The following TTC6 variants were observed in gnomAD, a reference collection of about 807,000 sequenced individuals.
The protein encoded by TTC6 is tetratricopeptide repeat protein 6.
In TTC6, 172 loss-of-function variants were observed where a neutral mutation model predicts 210.4. The ratio of observed to expected loss-of-function variants is 0.82; its 90% CI spans 0.72 to 0.93. The LOEUF (loss-of-function observed/expected upper bound fraction) is 0.93. TTC6 is among the 40% of genes least tolerant of loss of function. TTC6 has a pLI of 0.00. For missense variants in TTC6, 2,414 were observed against 2,318.1 expected (o/e 1.04, Z -0.85); for synonymous variants, 804 against 819.6 (o/e 0.98, Z 0.32).
chr14:37,616,535 A>G (rs1402540668), intron 2 of TTC6, among the ~76,000 whole-genome samples: 1 of 152,222 alleles, frequency 6.6e-6, no homozygotes, highest in African/African-American at 2.4e-5. Flanking sequence ...ATCTGTAAAG[A>G]TGCATCTGTG....
chr14:37,836,854 A>C (rs2096199077), intron 29 of TTC6, among the ~76,000 whole-genome samples: 1 of 152,194 alleles, frequency 6.6e-6, no homozygotes, highest in Non-Finnish European at 1.5e-5. Context: ...TAGAGGGTTA[A>C]AAAATGTATG....
At chr14:37,730,756 A>C (rs2138876039) in intron 7 of TTC6, among the ~76,000 whole-genome samples, 1 of 152,306 alleles carries the variant, frequency 6.6e-6, no homozygotes. Flanking sequence ...TTTTCTAATT[A>C]CTTGCCAGGC....
At chr14:37,709,238 A>AGTACAT (rs1187423861) in intron 5 of TTC6, among the ~76,000 whole-genome samples, 4 of 152,230 alleles carry the variant, frequency 2.6e-5, no homozygotes, top group South Asian at 2.1e-4. Context: ...ATGTCACAGA[A>AGTACAT]GTACATTGAA....
chr14:37,671,461 G>A (rs2095758014), intron 1 of TTC6, among the ~76,000 whole-genome samples: 1 of 152,260 alleles, frequency 6.6e-6, no homozygotes, highest in East Asian at 1.9e-4. Flanking sequence ...AATAAGATCT[G>A]CAAGTGGTAC....
At chr14:37,604,908 T>C (rs940626788) in intron 1 of TTC6, among the ~76,000 whole-genome samples, 1 of 152,214 alleles carries the variant, frequency 6.6e-6, no homozygotes, top group Non-Finnish European at 1.5e-5. Flanking sequence ...AAGATGTCAT[T>C]ATATCAAGGA....
chr14:37,807,568 G>T (rs2096121377), intron 23 of TTC6, 108 bp downstream of exon 25: 1 of 896,386 alleles, frequency 1.1e-6, no homozygotes, highest in East Asian at 2.8e-5. Context: ...GAATCACTAT[G>T]ATATGAAGGG....
At chr14:37,697,828 G>A (rs1379395223) in intron 4 of TTC6, among the ~76,000 whole-genome samples, 1 of 152,116 alleles carries the variant, frequency 6.6e-6, no homozygotes, top group East Asian at 1.9e-4. Flanking sequence ...GATTATCAAT[G>A]AAGCAGAAAC....
At chr14:37,612,685 A>G (rs1020695785) in intron 2 of TTC6, among the ~76,000 whole-genome samples, 1 of 152,186 alleles carries the variant, frequency 6.6e-6, no homozygotes, top group African/African-American at 2.4e-5. Context: ...TGTAATTTTC[A>G]GTGTAGAGAT....
chr14:37,745,275 G>A (rs1464645194), intron 10 of TTC6, among the ~76,000 whole-genome samples: 2 of 152,160 alleles, frequency 1.3e-5, no homozygotes, highest in Admixed American at 6.5e-5. Flanking sequence ...GATTAAATTT[G>A]TGATAATTTA....
intron 14 of TTC6, among the ~76,000 whole-genome samples, chr14:37,784,001 T>C (rs1375078271): frequency 1.3e-5 from 2 of 152,192 alleles, no homozygotes; most frequent in African/African-American, 4.8e-5. Context: ...AGAGACAGTT[T>C]GTTATAATTT....
intron 5 of TTC6, among the ~76,000 whole-genome samples, chr14:37,707,447 T>C (rs1324612856): frequency 6.6e-6 from 1 of 152,094 alleles, no homozygotes; most frequent in African/African-American, 2.4e-5. Context: ...TGCTTAGATT[T>C]ATCTCTTAAA....
At chr14:37,637,110 A>G (rs1303383893) in intron 1 of TTC6, among the ~76,000 whole-genome samples, 2 of 152,114 alleles carry the variant, frequency 1.3e-5, no homozygotes, top group Non-Finnish European at 2.9e-5. Context: ...CAAACAAACC[A>G]AACCAAAAAA....
chr14:37,768,689 A>G (rs1296497265), intron 14 of TTC6, among the ~76,000 whole-genome samples: 1 of 151,872 alleles, frequency 6.6e-6, no homozygotes, highest in Admixed American at 6.6e-5. Flanking sequence ...TATCAGCTTA[A>G]GGAGATTTTG....
intron 15 of TTC6, among the ~76,000 whole-genome samples, chr14:37,788,350 G>A (rs1275141216): frequency 6.6e-6 from 1 of 151,900 alleles, no homozygotes; most frequent in East Asian, 1.9e-4. Context: ...TGTTCACCTG[G>A]GTGCAAAGTT....
exon 3 of TTC6, chr14:37,682,886 A>G (rs2095787011): frequency 6.5e-7 from 1 of 1,535,718 alleles, no homozygotes; most frequent in Non-Finnish European, 8.7e-7. Context: ...AAGTTCAGCC[A>G]GCAGAGGAAT....
chr14:37,798,121 C>T (rs2096096871), intron 20 of TTC6, among the ~76,000 whole-genome samples: 2 of 152,076 alleles, frequency 1.3e-5, no homozygotes, highest in South Asian at 4.1e-4. Flanking sequence ...TAGGAAGCTC[C>T]TGGTTAATCT....
chr14:37,621,888 A>G (rs115408150), upstream of TTC6, among the ~76,000 whole-genome samples: 1,599 of 152,212 alleles, frequency 0.011, 33 homozygotes, highest in African/African-American at 0.036. Flanking sequence ...CAATAGGTGG[A>G]TATAAAATTA....
rs146974883 is a variant in TTC6 at position 37,656,471 on chromosome 14, T to G, written c.940-23680T>G. 4.1e-3 allele frequency among the ~76,000 whole-genome samples: 628 copies of G among 151,984 alleles called. 1 individual carries two copies. The highest frequency in any genetic ancestry group is 0.014 in the Middle Eastern group (4 of 294). ...CAATTTTGTAAGCTGCCTTGTGCTG[T>G]GAGAGTCTATGGGTAGTTAACCTAG... On this transcript the variant is annotated intron_variant, in intron 1 of 30. Coordinates refer to ENST00000553443, the Ensembl canonical transcript of TTC6.
At chr14:37,708,684 GTGAAGCATATT>G (rs974514910) in intron 5 of TTC6, among the ~76,000 whole-genome samples, 1 of 152,074 alleles carries the variant, frequency 6.6e-6, no homozygotes, top group African/African-American at 2.4e-5. Flanking sequence ...GATAATCTGT[GTGAAGCATATT>G]TTACTTGCCC....
Sources: allele counts gnomAD v4.1 joint callset (sites outside exome capture counted in the v4.1 genomes callset), GRCh38; gene constraint gnomAD v4.1.1; transcripts MANE v1.5; gene names NCBI Gene and HGNC (gene_info 2026-07-23, HGNC 2026-07-21).